TUSC3: variants seen among roughly 807,000 people sequenced by gnomAD.
TUSC3 encodes tumor suppressor candidate 3, also known as dolichyl-diphosphooligosaccharide--protein glycosyltransferase subunit TUSC3.
A neutral mutation model predicts 44.8 loss-of-function variants in TUSC3; 45 were observed. That is an observed-to-expected ratio of 1.00 (90% CI 0.79 to 1.29). The LOEUF is 1.29. Ranked by LOEUF, TUSC3 falls within the 50% of genes most tolerant of loss-of-function variation. The pLI is 0.00. For synonymous variants in TUSC3, 212 were observed against 152.9 expected, an observed-to-expected ratio of 1.39 and a Z score of -2.85; for missense variants, 519 against 437.9, an observed-to-expected ratio of 1.19 and a Z score of -1.65.
chr8:15,796,620 A>G, the TUSC3 span, among the ~76,000 whole-genome samples: 2 of 152,220 alleles, frequency 1.3e-5, no homozygotes. Context: ...TGAACCAGCC[A>G]TAGGCATTTA....
At chr8:15,489,706 T>C (rs541472087) in intron 2 of TUSC3, among the ~76,000 whole-genome samples, 5 of 152,312 alleles carry the variant, frequency 3.3e-5, no homozygotes, top group Admixed American at 1.3e-4. Context: ...TCTGTTTTAA[T>C]GTGAATGTTG....
At chr8:15,604,196 T>C (rs1401381499) in intron 1 of TUSC3, among the ~76,000 whole-genome samples, 1 of 151,688 alleles carries the variant, frequency 6.6e-6, no homozygotes, top group Non-Finnish European at 1.5e-5. Flanking sequence ...TTTTATTGTA[T>C]GGTTTTTGAT....
chr8:15,530,941 C>T (rs191458925), intron 2 of TUSC3, among the ~76,000 whole-genome samples: 9 of 152,234 alleles, frequency 5.9e-5, no homozygotes, highest in South Asian at 2.1e-4. Flanking sequence ...TGACGAACCT[C>T]GGGTGTCACC....
intron 1 of TUSC3, among the ~76,000 whole-genome samples, chr8:15,453,147 C>G (rs1800215388): frequency 6.6e-6 from 1 of 152,146 alleles, no homozygotes; most frequent in South Asian, 2.1e-4. Context: ...GGCCAACACA[C>G]AGCTTATACA....
At chr8:15,438,220 A>G (rs535465179) in intron 1 of TUSC3, among the ~76,000 whole-genome samples, 19 of 152,126 alleles carry the variant, frequency 1.2e-4, no homozygotes, top group African/African-American at 4.3e-4. Context: ...TCAGCCTCCC[A>G]AGCAGCTAGG....
At chr8:15,570,778 C>G (rs573260371) in intron 1 of TUSC3, among the ~76,000 whole-genome samples, 22 of 151,870 alleles carry the variant, frequency 1.4e-4, no homozygotes, top group African/African-American at 5.3e-4. Context: ...CAAAGCTGTT[C>G]TTCTGATTTA....
the TUSC3 span, among the ~76,000 whole-genome samples, chr8:15,842,085 T>C: frequency 6.6e-6 from 1 of 152,178 alleles, no homozygotes; most frequent in Non-Finnish European, 1.5e-5. Context: ...TTCCTCAGAA[T>C]AATAAAATAA....
At chr8:15,799,069 C>A in the TUSC3 span, among the ~76,000 whole-genome samples, 1 of 152,132 alleles carries the variant, frequency 6.6e-6, no homozygotes, top group Non-Finnish European at 1.5e-5. Context: ...CTTGACAAGG[C>A]TAATGCTCCC....
At chr8:15,448,125 T>A (rs77369600) in intron 1 of TUSC3, among the ~76,000 whole-genome samples, 2,928 of 15,592 alleles carry the variant, frequency 0.19, 146 homozygotes, top group African/African-American at 0.25. Context: ...ATATATTTAT[T>A]TATTTATTTT....
At chr8:15,676,240 C>A (rs1010972624) in intron 6 of TUSC3, among the ~76,000 whole-genome samples, 1 of 152,080 alleles carries the variant, frequency 6.6e-6, no homozygotes, top group African/African-American at 2.4e-5. Flanking sequence ...TGTGGAGCAT[C>A]TTTGCATATA....
At position 15,647,125 on chromosome 8, in the gene TUSC3, C is replaced by T. The variant is rs75257306; in HGVS notation, c.309-3572C>T. 4.9e-3 allele frequency among the ~76,000 whole-genome samples: 745 copies of T among 152,096 alleles called. 20 individuals carry two copies. The East Asian group carries it at 0.071, about 14-fold the overall frequency. On this transcript the variant is annotated intron_variant, in intron 2 of 10. Coordinates refer to ENST00000503731, the MANE Select transcript of TUSC3 (RefSeq NM_006765.4). ...ATAATATGTACATTCCATACTGTAA[C>T]CATAATTATTACATTTGAGTTCTGT... is the stretch of plus-strand genomic sequence containing the variant.
chr8:15,682,170 AGT>A (rs1808453424), intron 6 of TUSC3, among the ~76,000 whole-genome samples: 1 of 152,078 alleles, frequency 6.6e-6, no homozygotes, highest in Non-Finnish European at 1.5e-5. Context: ...TGTAGATGTC[AGT>A]TAGGTCCATT....
rs994996958 is a variant in TUSC3, at chr8:15,602,209, A to G, written c.139-20871A>G. On this transcript the variant is annotated intron_variant, in intron 1 of 10. Transcript: ENST00000503731. ...ATGCTTCTCTTCCCGAGCATTTTGG[A>G]TGAGGGATACTCAGCCTATATATAG... is the stretch of plus-strand genomic sequence containing the variant. Among the ~76,000 whole-genome samples the G allele has an allele frequency of 5.3e-5, 8 of 151,762 alleles. No homozygotes were observed. The South Asian group carries it at 8.3e-4, about 16-fold the overall frequency.
intron 1 of TUSC3, among the ~76,000 whole-genome samples, chr8:15,444,042 G>A (rs1367602808): frequency 6.6e-6 from 1 of 152,070 alleles, no homozygotes; most frequent in Non-Finnish European, 1.5e-5. Flanking sequence ...TAAAACCCTG[G>A]TCTCCCACAG....
intron 2 of TUSC3, among the ~76,000 whole-genome samples, chr8:15,501,870 G>C (rs562701654): frequency 7.9e-5 from 12 of 152,302 alleles, no homozygotes; most frequent in Admixed American, 1.3e-4. Context: ...ATTTGAAAAA[G>C]TATTTAATAA....
At chr8:15,637,645 G>C (rs777259487) in intron 2 of TUSC3, among the ~76,000 whole-genome samples, 1 of 151,986 alleles carries the variant, frequency 6.6e-6, no homozygotes, top group East Asian at 1.9e-4. Context: ...ATCATTTGCT[G>C]CTTCTTAAAA....
chr8:15,789,941 G>A, the TUSC3 span, among the ~76,000 whole-genome samples: 1 of 152,154 alleles, frequency 6.6e-6, no homozygotes, highest in African/African-American at 2.4e-5. Flanking sequence ...AAAGTGAGCT[G>A]GTGGTGGTAG....
chr8:15,661,545 A>G (rs552851216), intron 4 of TUSC3, among the ~76,000 whole-genome samples: 1 of 152,062 alleles, frequency 6.6e-6, no homozygotes, highest in Admixed American at 6.6e-5. Flanking sequence ...ATAGGCACGT[A>G]ATGTCCATCT....
chr8:15,556,219 A>C (rs542746999), intron 1 of TUSC3, among the ~76,000 whole-genome samples: 91 of 133,714 alleles, frequency 6.8e-4, no homozygotes, highest in Non-Finnish European at 1.1e-3. Context: ...ATGTGATCTC[A>C]TTGTTCAGTC....
Sources: allele counts gnomAD v4.1 joint callset (sites outside exome capture counted in the v4.1 genomes callset), GRCh38; gene constraint gnomAD v4.1.1; transcripts MANE v1.5; gene names NCBI Gene and HGNC (gene_info 2026-07-23, HGNC 2026-07-21).